The following PLCE1 variants were observed in gnomAD, a reference collection of about 807,000 sequenced individuals.
PLCE1 encodes phospholipase C epsilon 1.
Under a neutral mutation model 242.8 loss-of-function variants are expected in PLCE1, and 119 were observed. The observed-to-expected ratio is 0.49, with a 90% CI of 0.42 to 0.57. The LOEUF is 0.57. Ranked by LOEUF, PLCE1 falls within the 20% of genes least tolerant of loss-of-function variation. The probability of loss-of-function intolerance (pLI) is 0.00; values close to 1 mark genes in which losing one functional copy is unlikely to be tolerated. For missense variants in PLCE1, 2,441 were observed against 2,788.8 expected (o/e 0.88, Z 2.81); for synonymous variants, 945 against 1,017.4 (o/e 0.93, Z 1.35).
chr10:94,181,450 C>G (rs963230634), intron 4 of PLCE1, among the ~76,000 whole-genome samples: 1 of 152,018 alleles, frequency 6.6e-6, no homozygotes, highest in Non-Finnish European at 1.5e-5. Context: ...GTGGCAGGCG[C>G]CTGTAGTCCC....
intron 2 of PLCE1, among the ~76,000 whole-genome samples, chr10:94,044,397 A>G (rs980567913): frequency 4.6e-5 from 7 of 152,186 alleles, no homozygotes; most frequent in Non-Finnish European, 1.0e-4. Flanking sequence ...TTGGGTCCAT[A>G]TTGACATGTG....
chr10:94,316,621 T>G lies in PLCE1; in HGVS notation c.6207T>G (p.Ser2069=). 1 of 1,608,172 alleles carries G rather than the reference T, an allele frequency of 6.2e-7. No individual in the cohort carries two copies. Among genetic ancestry groups the G allele is most frequent in the South Asian group, 1.1e-5 (1 of 90,854 alleles). ...YFLMEEKYFI[S]KEKNECRKQP... ...TGATGGAAGAAAAATATTTTATATC[T>G]AAAGAAAAGAATGAATGTAGGAAAC... Residue 2069 remains serine, a synonymous_variant, in exon 29 of 33, where the codon TCT becomes TCG. Coordinates refer to ENST00000371380, the MANE Select transcript of PLCE1 (RefSeq NM_016341.4).
chr10:94,287,044 G>T (rs1239429521), intron 22 of PLCE1: 2 of 152,238 alleles, frequency 1.3e-5, no homozygotes, highest in African/African-American at 4.8e-5. Context: ...TTTGAAGTCT[G>T]TGTGAAAGAT....
At chr10:94,015,656 C>T (rs1294351787) in intron 1 of PLCE1, among the ~76,000 whole-genome samples, 1 of 152,134 alleles carries the variant, frequency 6.6e-6, no homozygotes, top group Non-Finnish European at 1.5e-5. Context: ...GAACGTGGCT[C>T]AGGAGAAAGG....
At chr10:94,129,303 A>G (rs2135874402) in intron 2 of PLCE1, among the ~76,000 whole-genome samples, 1 of 152,396 alleles carries the variant, frequency 6.6e-6, no homozygotes, top group African/African-American at 2.4e-5. Context: ...CACTACGTCT[A>G]CAGGCTGTGT....
Position 94,270,610 on chromosome 10 carries a change from C to G in PLCE1, c.4506+8C>G. The G allele has an allele frequency of 6.6e-7, 1 of 1,522,604 alleles. No individual in the cohort carries two copies. The highest frequency in any genetic ancestry group is 9.1e-7 in the Non-Finnish European group (1 of 1,096,558). The allele number at this position is 1,522,604 out of a possible 1,614,324, so 94.3% of individuals were successfully genotyped here. ...ATGGCAGAAATTTTCAAGGTGAGCT[C>G]TCAACAAAAAGGCAGGATGGTATGT... On this transcript the variant is annotated splice_region_variant and intron_variant, in intron 18 of 32. Transcript: ENST00000371380.
chr10:94,166,254 G>A (rs1379618520), intron 3 of PLCE1, among the ~76,000 whole-genome samples: 1 of 151,912 alleles, frequency 6.6e-6, no homozygotes, highest in Non-Finnish European at 1.5e-5. Context: ...ACCTCACTTG[G>A]TCTATATTTT....
At position 94,322,112 on chromosome 10, in the gene PLCE1, GAACAA is replaced by G; in HGVS notation, c.6501+55_6501+59del. Reference sequence around the variant, plus strand: ...GTCCTTTCCTCAGCATAAATTATTGGAACAAATGTCTGTGCACTGATGGCTCATTT... The same window carrying G: ...GTCCTTTCCTCAGCATAAATTATTGGATGTCTGTGCACTGATGGCTCATTT... On this transcript the variant is annotated intron_variant, in intron 30 of 32. Transcript: ENST00000371380. The G allele has an allele frequency of 2.0e-6, 3 of 1,536,560 alleles. No individual in the cohort carries two copies. In the South Asian group the frequency reaches 3.4e-5, roughly 17 times the overall value.
intron 5 of PLCE1, among the ~76,000 whole-genome samples, chr10:94,227,873 T>G (rs1278069450): frequency 2.0e-5 from 3 of 152,228 alleles, no homozygotes; most frequent in African/African-American, 7.2e-5. Context: ...TGGCTAGCAT[T>G]GACAATAGGC....
intron 4 of PLCE1, among the ~76,000 whole-genome samples, chr10:94,208,850 A>G (rs2049248061): frequency 6.6e-6 from 1 of 152,234 alleles, no homozygotes; most frequent in South Asian, 2.1e-4. Flanking sequence ...AGTGGGTCTC[A>G]TTGCACGTGG....
At chr10:94,224,449 C>T (rs969466138) in intron 4 of PLCE1, among the ~76,000 whole-genome samples, 7 of 152,096 alleles carry the variant, frequency 4.6e-5, no homozygotes, top group African/African-American at 1.7e-4. Flanking sequence ...TCAGAACAGC[C>T]TGAAAGAATG....
chr10:94,107,952 C>T (rs2045815812), intron 2 of PLCE1: 1 of 152,126 alleles, frequency 6.6e-6, no homozygotes, highest in Admixed American at 6.5e-5. Context: ...TTTGACTCCA[C>T]TATTCCAGAC....
In PLCE1 at chr10:94,332,206, T is replaced by C. The variant is rs1385654941; in HGVS notation, c.*4263T>C. Reference sequence around the variant, plus strand: ...TACATCTCTTAGATTCAAAACATACTATGCACAAGCCTGTCACCAAACAGA... The same window carrying C: ...TACATCTCTTAGATTCAAAACATACCATGCACAAGCCTGTCACCAAACAGA... On this transcript the variant is annotated 3_prime_UTR_variant, in exon 33 of 33. Coordinates refer to ENST00000371380, the MANE Select transcript of PLCE1 (RefSeq NM_016341.4). The C allele has an allele frequency of 6.6e-6, 1 of 152,174 alleles. No homozygotes were observed. The highest frequency in any genetic ancestry group is 6.6e-5 in the Admixed American group (1 of 15,264). 9.4% of individuals were successfully genotyped at this position (152,174 alleles called of 1,614,324 possible).
chr10:93,998,573 T>C (rs2060874185), intron 1 of PLCE1, among the ~76,000 whole-genome samples: 1 of 152,208 alleles, frequency 6.6e-6, no homozygotes, highest in Admixed American at 6.5e-5. Context: ...ATAGTAATTG[T>C]ACAGGGTTGC....
chr10:94,032,328 T>C lies in PLCE1; in HGVS notation c.1206+76T>C. ...CAAAAAAAAGTCCAAATTTCCATTG[T>C]CATAATTGATGAGAAATTTTAAGAT... On this transcript the variant is annotated intron_variant, in intron 2 of 32. Coordinates refer to ENST00000371380, the MANE Select transcript of PLCE1 (RefSeq NM_016341.4). 2.3e-6 allele frequency: 3 copies of C among 1,320,252 alleles called. No homozygotes were observed. The South Asian group carries it at 3.7e-5, about 16-fold the overall frequency. 81.8% of individuals were successfully genotyped at this position (1,320,252 alleles called of 1,614,324 possible). A position where few individuals can be genotyped will look rare whatever the true frequency, so the allele number is the denominator to read the frequency against.
chr10:94,033,100 ATG>A (rs1177162704), intron 2 of PLCE1, among the ~76,000 whole-genome samples: 1 of 152,082 alleles, frequency 6.6e-6, no homozygotes, highest in Non-Finnish European at 1.5e-5. Context: ...AGATGCATGT[ATG>A]TTATATGCAA....
chr10:94,188,237 A>C (rs1243063454), intron 4 of PLCE1, among the ~76,000 whole-genome samples: 1 of 152,252 alleles, frequency 6.6e-6, no homozygotes, highest in African/African-American at 2.4e-5. Flanking sequence ...ATAAGTAGAG[A>C]GAATAAAAAA....
intron 1 of PLCE1, among the ~76,000 whole-genome samples, chr10:94,021,970 T>TCTC (rs2061383256): frequency 1.3e-5 from 2 of 152,084 alleles, no homozygotes; most frequent in South Asian, 4.1e-4. Context: ...ATGTATTGAA[T>TCTC]ATTTTCCCCA....
intron 3 of PLCE1, among the ~76,000 whole-genome samples, chr10:94,136,897 A>G (rs1011875387): frequency 3.3e-5 from 5 of 152,230 alleles, no homozygotes; most frequent in African/African-American, 9.6e-5. Context: ...AGTTTGATAC[A>G]TTAAGATCCT....
Sources: allele counts gnomAD v4.1 joint callset (sites outside exome capture counted in the v4.1 genomes callset), GRCh38; gene constraint gnomAD v4.1.1; transcripts MANE v1.5; gene names NCBI Gene and HGNC (gene_info 2026-07-23, HGNC 2026-07-21).